The following TCF7L1 variants were observed in gnomAD, a reference collection of about 807,000 sequenced individuals.
TCF7L1 encodes the protein transcription factor 7 like 1.
In TCF7L1, 18 loss-of-function variants were observed where a neutral mutation model predicts 63.7. The observed-to-expected ratio is 0.28, with a 90% CI of 0.20 to 0.42. The LOEUF is 0.42. TCF7L1 is among the 10% of genes least tolerant of loss of function. The pLI is 1.00. For synonymous variants in TCF7L1, 355 were observed against 340.9 expected (o/e 1.04, Z -0.46); for missense variants, 654 against 779.3 (o/e 0.84, Z 1.91).
intron 4 of TCF7L1, among the ~76,000 whole-genome samples, chr2:85,302,155 C>A (rs184336079): frequency 6.6e-6 from 1 of 151,742 alleles, no homozygotes; most frequent in Non-Finnish European, 1.5e-5. Context: ...AAAAAAAAAA[C>A]CTTTTTAGAT....
chr2:85,145,064 C>CAA (rs779081805), intron 3 of TCF7L1, among the ~76,000 whole-genome samples: 5 of 90,264 alleles, frequency 5.5e-5, no homozygotes, highest in Admixed American at 1.2e-4. Flanking sequence ...GACTTTGTTT[C>CAA]AAAAAAAAAA....
rs866570270 is a variant in TCF7L1 at position 85,134,758 on chromosome 2, G to A, written c.441+308G>A. On this transcript the variant is annotated intron_variant, in intron 3 of 11. Coordinates refer to ENST00000282111, the MANE Select transcript of TCF7L1 (RefSeq NM_031283.3). The surrounding 1 kb of genome is among the most constrained non-coding windows in gnomAD (Gnocchi z 5.0). ...GAAACTTGGATTTGTGCCCGCTTTG[G>A]GGGGGTCTCGCTTTCCTTCTTGGAA... is the stretch of plus-strand genomic sequence containing the variant. Among the ~76,000 whole-genome samples, 1 of 152,180 alleles carries A rather than the reference G, an allele frequency of 6.6e-6. No homozygotes were observed. The highest frequency in any genetic ancestry group is 2.4e-5 in the African/African-American group (1 of 41,444).
intron 3 of TCF7L1, among the ~76,000 whole-genome samples, chr2:85,185,103 C>G (rs757749823): frequency 4.6e-5 from 7 of 152,140 alleles, no homozygotes; most frequent in Non-Finnish European, 8.8e-5. Flanking sequence ...TTTCATGTTT[C>G]TTAGGAAAGT....
At chr2:85,162,926 T>G (rs1049400826) in intron 3 of TCF7L1, among the ~76,000 whole-genome samples, 1 of 152,172 alleles carries the variant, frequency 6.6e-6, no homozygotes, top group African/African-American at 2.4e-5. Context: ...TCCGAATTAC[T>G]CATCCACACA....
intron 3 of TCF7L1, among the ~76,000 whole-genome samples, chr2:85,145,173 T>C (rs1237987450): frequency 6.6e-6 from 1 of 152,094 alleles, no homozygotes; most frequent in East Asian, 1.9e-4. Flanking sequence ...GCTTATGATA[T>C]GGTTGACAGA....
intron 3 of TCF7L1, among the ~76,000 whole-genome samples, chr2:85,269,815 G>A (rs146721121): frequency 8.4e-4 from 128 of 152,310 alleles, no homozygotes; most frequent in African/African-American, 2.8e-3. Context: ...AGATATGTAA[G>A]CCACATGTGC....
chr2:85,187,367 A>G (rs985557442), intron 3 of TCF7L1: 2 of 152,216 alleles, frequency 1.3e-5, no homozygotes, highest in Non-Finnish European at 1.5e-5. Context: ...ATGTTAAGGA[A>G]AGAGACTCTT....
chr2:85,164,289 A>G (rs539634879), intron 3 of TCF7L1, among the ~76,000 whole-genome samples: 2 of 152,200 alleles, frequency 1.3e-5, no homozygotes, highest in African/African-American at 4.8e-5. Context: ...AGAGATGAAT[A>G]TAATTCCCCT....
chr2:85,247,702 T>G (rs946221153), intron 3 of TCF7L1, among the ~76,000 whole-genome samples: 7 of 152,230 alleles, frequency 4.6e-5, no homozygotes, highest in African/African-American at 1.7e-4. Flanking sequence ...CCTATGGCTC[T>G]GTAGAATTAA....
intron 3 of TCF7L1, among the ~76,000 whole-genome samples, chr2:85,196,901 C>T (rs1000171019): frequency 2.0e-5 from 3 of 152,196 alleles, no homozygotes; most frequent in African/African-American, 7.2e-5. Context: ...ACTGCTGCTG[C>T]TTGCCTGGAT....
In TCF7L1 at chr2:85,176,509, C is replaced by T. The variant is rs564960230; in HGVS notation, c.441+42059C>T. On this transcript the variant is annotated intron_variant, in intron 3 of 11. Transcript: ENST00000282111. Reference sequence around the variant, plus strand: ...CTGTCTGGAGTCCCCATGGCAAGTTCGCATCCTCTTTCATGTCCCTGGCTC... The same window carrying T: ...CTGTCTGGAGTCCCCATGGCAAGTTTGCATCCTCTTTCATGTCCCTGGCTC... 9.9e-5 allele frequency among the ~76,000 whole-genome samples: 15 copies of T among 152,268 alleles called. No individual in the cohort carries two copies. The South Asian group carries it at 3.1e-3, about 32-fold the overall frequency.
intron 3 of TCF7L1, among the ~76,000 whole-genome samples, chr2:85,153,340 A>ATATTTTTTTTTTTTTTTTTTTTTTTTTT (rs750002994): frequency 8.8e-5 from 9 of 102,308 alleles, no homozygotes; most frequent in African/African-American, 3.8e-4. Flanking sequence ...GCCTTTATAA[A>ATATTTTTTTTTTTTTTTTTTTTTTTTTT]TTTTTTTTTT....
chr2:85,136,037 G>A (rs899219213), intron 3 of TCF7L1, among the ~76,000 whole-genome samples: 1 of 152,092 alleles, frequency 6.6e-6, no homozygotes, highest in African/African-American at 2.4e-5. Flanking sequence ...TGGGATTCGT[G>A]TAACTTTGCG....
chr2:85,288,876 T>C (rs1243022629), intron 4 of TCF7L1, among the ~76,000 whole-genome samples: 1 of 152,200 alleles, frequency 6.6e-6, no homozygotes, highest in Non-Finnish European at 1.5e-5. Flanking sequence ...CCAGGAGCAC[T>C]GTGTCCAGCC....
At chr2:85,256,108 G>C (rs536371867) in intron 3 of TCF7L1, among the ~76,000 whole-genome samples, 1 of 152,226 alleles carries the variant, frequency 6.6e-6, no homozygotes, top group South Asian at 2.1e-4. Flanking sequence ...GGGGAGGAGG[G>C]GTGGGCGCAG....
At chr2:85,253,763 G>A (rs1680645033) in intron 3 of TCF7L1, among the ~76,000 whole-genome samples, 1 of 152,220 alleles carries the variant, frequency 6.6e-6, no homozygotes, top group Non-Finnish European at 1.5e-5. Flanking sequence ...TGCATGCTAA[G>A]CGTTCACTCA....
intron 3 of TCF7L1, among the ~76,000 whole-genome samples, chr2:85,252,955 T>G (rs1029530077): frequency 6.6e-6 from 1 of 152,168 alleles, no homozygotes; most frequent in African/African-American, 2.4e-5. Flanking sequence ...TTTAGGAAAT[T>G]TTAGGCCCTT....
rs1331176300 is a variant in TCF7L1 at position 85,285,893 on chromosome 2, T to A, written c.525+2315T>A. Among the ~76,000 whole-genome samples the A allele has an allele frequency of 1.5e-4, 23 of 152,124 alleles. 1 individual carries two copies. Among genetic ancestry groups the A allele is most frequent in the Non-Finnish European group, 3.2e-4 (22 of 68,006 alleles). On this transcript the variant is annotated intron_variant, in intron 4 of 11. Transcript: ENST00000282111. Reference sequence around the variant, plus strand: ...ACTTTTCAAGAATGTTATTTCCCTTTAAAAACTAACACATGAGGCCGGGCG... The same window carrying A: ...ACTTTTCAAGAATGTTATTTCCCTTAAAAAACTAACACATGAGGCCGGGCG...
At position 85,239,361 on chromosome 2, in the gene TCF7L1, C is replaced by T. The variant is rs147514617; in HGVS notation, c.442-44134C>T. On this transcript the variant is annotated intron_variant, in intron 3 of 11. Transcript: ENST00000282111. ...TCCCTGCCCTGCCACGGACACAGAC[C>T]CCAGGCAGCATCCCTCCCCCTCATG... Among the ~76,000 whole-genome samples, 433 of 152,246 alleles carry T rather than the reference C, an allele frequency of 2.8e-3. 1 individual carries two copies. Among genetic ancestry groups the T allele is most frequent in the African/African-American group, 0.01 (417 of 41,542 alleles).
Sources: gnomAD v4.1 joint callset for allele counts (sites outside exome capture counted in the v4.1 genomes callset) on GRCh38, gnomAD v4.1.1 for gene constraint, Gnocchi (gnomAD v3.1) non-coding constraint, MANE v1.5 for transcripts, NCBI Gene and HGNC (gene_info 2026-07-23, HGNC 2026-07-21) for gene names.